Variants in NAA20 observed in about 807,000 individuals in gnomAD.
NAA20 encodes the protein N-alpha-acetyltransferase 20.
NAA20 carries 24 observed loss-of-function variants against 23.8 expected under a neutral mutation model. The ratio of observed to expected loss-of-function variants is 1.01; its 90% CI spans 0.73 to 1.42. The LOEUF is 1.42. NAA20 is among the 40% of genes most tolerant of loss of function. The pLI, the probability that NAA20 is intolerant of heterozygous loss-of-function variation, is 0.00. For missense variants in NAA20, 166 were observed against 223.1 expected (o/e 0.74, Z 1.63); for synonymous variants, 83 against 77.7 (o/e 1.07, Z -0.36).
At chr20:20,023,601 C>CA (rs1433436889) in intron 2 of NAA20, among the ~76,000 whole-genome samples, 1 of 152,252 alleles carries the variant, frequency 6.6e-6, no homozygotes, top group South Asian at 2.1e-4. Context: ...GCTTACAACA[C>CA]AAAGTTCGGA....
At chr20:20,026,528 ATTAG>A (rs2043307664) in intron 3 of NAA20, among the ~76,000 whole-genome samples, 1 of 151,704 alleles carries the variant, frequency 6.6e-6, no homozygotes, top group Non-Finnish European at 1.5e-5. Context: ...TTTTTTCAAA[ATTAG>A]TTGTGTTTTA....
intron 1 of NAA20, 81 bp downstream of exon 1, chr20:20,017,530 C>G (rs2043239817): frequency 6.6e-7 from 1 of 1,522,532 alleles, no homozygotes; most frequent in Non-Finnish European, 8.8e-7. Context: ...CCAGCCGCGC[C>G]TTCCCGGCCG....
intron 5 of NAA20, 63 bp downstream of exon 5, chr20:20,032,716 T>A (rs1568750863): frequency 1.9e-5 from 28 of 1,487,452 alleles, no homozygotes; most frequent in Non-Finnish European, 2.3e-5. Context: ...TTCTACAGAT[T>A]GTAGTATTTG....
Position 20,018,199 on chromosome 20 carries a change from A to G in NAA20, c.53+750A>G, listed in dbSNP as rs573233714. On this transcript the variant is annotated intron_variant, in intron 1 of 5. Coordinates refer to ENST00000334982, the MANE Select transcript of NAA20 (RefSeq NM_016100.5). ...AGTTAAGGCCAGACCTCTGATTTGC[A>G]GGTACCAATTTTTTTTTTTTAAGAA... is the stretch of plus-strand genomic sequence containing the variant. 118 of 965,958 alleles carry G rather than the reference A, an allele frequency of 1.2e-4. No homozygotes were observed. In the African/African-American group the frequency reaches 2.3e-3, roughly 19 times the overall value. The allele number at this position is 965,958 out of a possible 1,614,324, so 59.8% of individuals were successfully genotyped here.
At chr20:20,022,703 A>G (rs1037975235) in intron 2 of NAA20, 8 of 454,110 alleles carry the variant, frequency 1.8e-5, no homozygotes, top group Non-Finnish European at 3.9e-6. Flanking sequence ...AGAAATCTGT[A>G]ACATCATAGC....
chr20:20,031,992 T>G (rs2043346766), intron 4 of NAA20, among the ~76,000 whole-genome samples: 1 of 152,188 alleles, frequency 6.6e-6, no homozygotes, highest in Admixed American at 6.5e-5. Flanking sequence ...ACAGTGAGAC[T>G]CCTAGCTATA....
Position 20,022,506 on chromosome 20 carries a change from A to G in NAA20, c.78+26A>G, listed in dbSNP as rs1223875232. ...GTATCCTTTTTTACAAAAAAAAAAA[A>G]GTTGAATGAAGATTTACTGAGAATA... On this transcript the variant is annotated intron_variant, in intron 2 of 5. Coordinates refer to ENST00000334982, the MANE Select transcript of NAA20 (RefSeq NM_016100.5). 3.3e-6 allele frequency: 5 copies of G among 1,505,440 alleles called. No homozygotes were observed. In the African/African-American group the frequency reaches 4.3e-5, roughly 13 times the overall value. 93.3% of individuals were successfully genotyped at this position (1,505,440 alleles called of 1,614,324 possible).
upstream of NAA20, chr20:20,017,309 CG>C: frequency 6.4e-7 from 1 of 1,559,172 alleles, no homozygotes; most frequent in South Asian, 1.2e-5. Flanking sequence ...CCGTCTCGCT[CG>C]GTTCCGCGGC....
In NAA20 at chr20:20,025,703, C is replaced by T; in HGVS notation, c.105C>T (p.Tyr35=). ...ETYGIPFYLQ[Y]LAHWPEYFIV... ...ATGGGATTCCTTTCTACCTACAATA[C>T]CTCGCCCACTGGCCAGAGTATTTCA... is the stretch of plus-strand genomic sequence containing the variant. The change falls in exon 3 of 6, where the codon TAC becomes TAT. Residue 35 remains tyrosine (Y), a synonymous_variant. Transcript: ENST00000334982. The T allele has an allele frequency of 6.2e-7, 1 of 1,612,196 alleles. No individual in the cohort carries two copies. Among genetic ancestry groups the T allele is most frequent in the Non-Finnish European group, 8.5e-7 (1 of 1,178,240 alleles).
At position 20,033,528 on chromosome 20, in the gene NAA20, A is replaced by G. The variant is rs2043364205; in HGVS notation, c.*341A>G. ...CTGTGCCTGAGAACCACTGCTGCAT[A>G]TATTTGTTTTTAAATTTTGTATTGA... is the stretch of plus-strand genomic sequence containing the variant. On this transcript the variant is annotated 3_prime_UTR_variant, in exon 6 of 6. Transcript: ENST00000334982. 2.1e-5 allele frequency: 4 copies of G among 191,424 alleles called. No homozygotes were observed. The East Asian group carries it at 4.8e-4, about 23-fold the overall frequency. The allele number at this position is 191,424 out of a possible 1,614,324, so 11.9% of individuals were successfully genotyped here.
intron 4 of NAA20, 130 bp downstream of exon 4, chr20:20,027,049 G>C: frequency 8.0e-7 from 1 of 1,256,808 alleles, no homozygotes; most frequent in Non-Finnish European, 1.1e-6. Context: ...GTAGTCCTTA[G>C]AACAATTCTA....
At chr20:20,026,719 T>G (rs1292264458) in intron 3 of NAA20, 65 bp from the exon 4 acceptor site, 2 of 1,587,618 alleles carry the variant, frequency 1.3e-6, no homozygotes, top group Non-Finnish European at 8.6e-7. Flanking sequence ...TACTGAACAG[T>G]AATTCTATAT....
chr20:20,022,306 C>T (rs1296992641), intron 1 of NAA20, 150 bp from the exon 2 acceptor site: 1 of 640,466 alleles, frequency 1.6e-6, no homozygotes, highest in South Asian at 2.4e-5. Flanking sequence ...TAGATTAAAT[C>T]ATCTGCCTCA....
intron 2 of NAA20, 32 bp downstream of exon 2, chr20:20,022,512 A>G: frequency 6.6e-7 from 1 of 1,512,090 alleles, no homozygotes. Flanking sequence ...AAAAAGTTGA[A>G]TGAAGATTTA....
intron 1 of NAA20, among the ~76,000 whole-genome samples, chr20:20,021,083 T>TAA (rs1033104784): frequency 1.3e-5 from 2 of 149,618 alleles, no homozygotes; most frequent in African/African-American, 5.0e-5. Flanking sequence ...CTGTTTTCTC[T>TAA]TCTTAGTGAT....
intron 2 of NAA20, among the ~76,000 whole-genome samples, chr20:20,023,180 A>C (rs749307858): frequency 3.9e-5 from 6 of 152,044 alleles, no homozygotes; most frequent in Non-Finnish European, 8.8e-5. Context: ...CCAGCTACTT[A>C]GGAGGCTGAG....
At chr20:20,032,803 G>A in intron 5 of NAA20, 150 bp downstream of exon 5, 4 of 1,056,496 alleles carry the variant, frequency 3.8e-6, no homozygotes, top group South Asian at 4.2e-5. Context: ...CCTATTAGTA[G>A]TAGTAATTAA....
intron 1 of NAA20, chr20:20,018,136 C>T: frequency 6.4e-7 from 1 of 1,565,748 alleles, no homozygotes; most frequent in Non-Finnish European, 8.8e-7. Context: ...GGGAGGCTCG[C>T]TGTGCCCAGA....
At chr20:20,029,774 G>C (rs1472981958) in intron 4 of NAA20, among the ~76,000 whole-genome samples, 2 of 152,158 alleles carry the variant, frequency 1.3e-5, no homozygotes, top group African/African-American at 4.8e-5. Flanking sequence ...ATAGAACAAT[G>C]AGATAGAAAT....
Sources: gnomAD v4.1 joint callset for allele counts (sites outside exome capture counted in the v4.1 genomes callset) on GRCh38, gnomAD v4.1.1 for gene constraint, MANE v1.5 for transcripts, NCBI Gene and HGNC (gene_info 2026-07-23, HGNC 2026-07-21) for gene names.